The following SHROOM2 variants were observed in gnomAD, a reference collection of about 807,000 sequenced individuals.
SHROOM2 encodes the protein shroom family member 2.
A neutral mutation model predicts 75.9 loss-of-function variants in SHROOM2; 33 were observed. That is an observed-to-expected ratio of 0.43 (90% CI 0.33 to 0.58). The LOEUF (loss-of-function observed/expected upper bound fraction) is 0.58, where lower values mean the gene tolerates loss of function less well. Ranked by LOEUF, SHROOM2 falls within the 20% of genes least tolerant of loss-of-function variation. The pLI, the probability that SHROOM2 is intolerant of heterozygous loss-of-function variation, is 0.04. For missense variants in SHROOM2, 1,434 were observed against 1,461.2 expected, an observed-to-expected ratio of 0.98 and a Z score of 0.30; for synonymous variants, 655 against 663.6, an observed-to-expected ratio of 0.99 and a Z score of 0.20.
intron 1 of SHROOM2, among the ~76,000 whole-genome samples, chrX:9,859,285 G>T (rs999472438): frequency 2.1e-5 from 1 of 48,573 alleles, no homozygotes; most frequent in African/African-American, 6.2e-5. Context: ...TGAAAGCAGG[G>T]CTTTAGACAA....
At chrX:9,790,269 C>T (rs1166023965) in intron 1 of SHROOM2, among the ~76,000 whole-genome samples, 1 of 111,838 alleles carries the variant, frequency 8.9e-6, no homozygotes, top group Non-Finnish European at 1.9e-5. Context: ...ATGGGCCATG[C>T]CAAGTCACCT....
At position 9,823,232 on chromosome X, in the gene SHROOM2, C is replaced by T. The variant is rs749510377; in HGVS notation, c.165+36522C>T. Reference sequence around the variant, plus strand: ...TCCTCCTCCTCCTCCTCCTCCTCCTCCTTCTTCTCTTCTTCTTCTTCATAT... The same window carrying T: ...TCCTCCTCCTCCTCCTCCTCCTCCTTCTTCTTCTCTTCTTCTTCTTCATAT... On this transcript the variant is annotated intron_variant, in intron 1 of 9. Coordinates refer to ENST00000380913, the MANE Select transcript of SHROOM2 (RefSeq NM_001649.4). Among the ~76,000 whole-genome samples, 7 of 72,033 alleles carry T rather than the reference C, an allele frequency of 9.7e-5. 1 individual carries two copies. The highest frequency in any genetic ancestry group is 5.4e-4 in the East Asian group (1 of 1,861). The allele number at this position is 72,033 out of a possible 115,157, so 62.6% of individuals were successfully genotyped here.
intron 1 of SHROOM2, among the ~76,000 whole-genome samples, chrX:9,826,603 C>T (rs1480751513): frequency 9.1e-6 from 1 of 109,655 alleles, no homozygotes; most frequent in Middle Eastern, 4.2e-3. Context: ...GAGACCCCAT[C>T]TCTACAAAAA....
intron 1 of SHROOM2, among the ~76,000 whole-genome samples, chrX:9,820,136 T>C (rs1250449410): frequency 5.7e-5 from 6 of 105,068 alleles, no homozygotes; most frequent in African/African-American, 2.1e-4. Flanking sequence ...TTTTTCAGAT[T>C]ATGTTTTTCG....
chrX:9,933,006 A>G, intron 6 of SHROOM2, 136 bp downstream of exon 6: 2 of 493,899 alleles, frequency 4.0e-6, no homozygotes, highest in Non-Finnish European at 6.5e-6. Context: ...GTACTGGGGA[A>G]TAACTGTGTG....
chrX:9,837,730 A>G (rs5979188), intron 1 of SHROOM2, among the ~76,000 whole-genome samples: 13,201 of 111,593 alleles, frequency 0.12, 748 homozygotes, highest in African/African-American at 0.24. Flanking sequence ...ATGTCGCCTC[A>G]TACCCCTGTG....
chrX:9,802,663 G>A (rs1394602840), intron 1 of SHROOM2, among the ~76,000 whole-genome samples: 1 of 111,476 alleles, frequency 9.0e-6, no homozygotes, highest in Non-Finnish European at 1.9e-5. Flanking sequence ...TGGTATCGCG[G>A]GCATATTGCC....
At position 9,894,840 on chromosome X, in the gene SHROOM2, C is replaced by T. The variant is rs758474364; in HGVS notation, c.932C>T (p.Pro311Leu). Residue 311 changes from proline to leucine, a missense_variant, in exon 4 of 10, where the codon CCA (proline) becomes CTA (leucine). Around this residue, in one of 3 missense-constraint regions of SHROOM2, gnomAD observed 1,340 missense variants for 1,338.3 expected, o/e 1.00. Transcript: ENST00000380913. ...VWYVPDKKKA[P>L]SSPPPPPPPL... The stretch of plus-strand genomic sequence containing the variant: ...TATGTTCCCGATAAGAAGAAAGCAC[C>T]ATCATCCCCACCTCCTCCCCCTCCC... 1.7e-6 allele frequency: 2 copies of T among 1,211,851 alleles called. No individual in the cohort carries two copies. Among genetic ancestry groups the T allele is most frequent in the Middle Eastern group, 2.3e-4 (1 of 4,354 alleles).
At chrX:9,818,503 C>T (rs1241511856) in intron 1 of SHROOM2, 2 of 267,198 alleles carry the variant, frequency 7.5e-6, no homozygotes, top group Non-Finnish European at 1.4e-5. Flanking sequence ...CTACATCATA[C>T]ATCTCCTTCA....
rs756881503 is a variant in SHROOM2 at position 9,835,502 on chromosome X, G to A, written c.166-38150G>A. 1.1e-4 allele frequency among the ~76,000 whole-genome samples: 12 copies of A among 112,342 alleles called. 1 individual carries two copies. The highest frequency in any genetic ancestry group is 5.7e-4 in the Admixed American group (6 of 10,575). ...ACGTTAATTCTTATGCCATCTTACAGGGCCTGGCTACAAAAAGTAAAATGA... is the reference window on the plus strand; with the variant it reads ...ACGTTAATTCTTATGCCATCTTACAAGGCCTGGCTACAAAAAGTAAAATGA... On this transcript the variant is annotated intron_variant, in intron 1 of 9. Coordinates refer to ENST00000380913, the MANE Select transcript of SHROOM2 (RefSeq NM_001649.4).
intron 1 of SHROOM2, among the ~76,000 whole-genome samples, chrX:9,798,722 T>C (rs1232678830): frequency 2.7e-5 from 3 of 112,479 alleles, no homozygotes; most frequent in African/African-American, 9.7e-5. Context: ...AGGCATATTT[T>C]TAAAAACCCT....
At chrX:9,920,073 TC>T (rs113347761) in intron 5 of SHROOM2, among the ~76,000 whole-genome samples, 4 of 76,867 alleles carry the variant, frequency 5.2e-5, no homozygotes, top group African/African-American at 1.9e-4. Flanking sequence ...CATCTCAACT[TC>T]ACTACGGTTC....
At chrX:9,792,156 G>GAAT (rs201416945) in intron 1 of SHROOM2, among the ~76,000 whole-genome samples, 1 of 11,772 alleles carries the variant, frequency 8.5e-5, no homozygotes, top group Non-Finnish European at 2.0e-4. Flanking sequence ...GAATAGAATA[G>GAAT]AATAATCACC....
intron 1 of SHROOM2, among the ~76,000 whole-genome samples, chrX:9,792,099 TAG>T (rs2083661647): frequency 1.2e-4 from 2 of 16,246 alleles, no homozygotes; most frequent in Admixed American, 1.2e-3. Flanking sequence ...TAGAATAGAA[TAG>T]AATAGAATAG....
intron 1 of SHROOM2, among the ~76,000 whole-genome samples, chrX:9,789,435 C>T (rs1236813222): frequency 1.8e-5 from 2 of 109,955 alleles, no homozygotes; most frequent in East Asian, 2.8e-4. Context: ...GGAAAAAATG[C>T]ACTCAAACCC....
intron 9 of SHROOM2, among the ~76,000 whole-genome samples, chrX:9,945,170 C>A (rs896576867): frequency 2.7e-5 from 3 of 111,059 alleles, no homozygotes; most frequent in African/African-American, 9.9e-5. Context: ...TGCAGTGGTG[C>A]GATCTCGGCT....
chrX:9,820,711 G>A (rs148271652), intron 1 of SHROOM2, among the ~76,000 whole-genome samples: 271 of 111,499 alleles, frequency 2.4e-3, no homozygotes, highest in African/African-American at 8.4e-3. Flanking sequence ...AAAATTCCAC[G>A]TCCTCCATTC....
intron 1 of SHROOM2, among the ~76,000 whole-genome samples, chrX:9,838,738 A>G (rs2083963048): frequency 9.0e-6 from 1 of 111,727 alleles, no homozygotes. Flanking sequence ...TGGCTAGGAA[A>G]ACATTGGCAT....
chrX:9,944,927 C>T lies in SHROOM2; in HGVS notation c.4584+14C>T, dbSNP rs375719444. On this transcript the variant is annotated intron_variant, in intron 9 of 9. Transcript: ENST00000380913. Reference sequence around the variant, plus strand: ...CCCGGTGATCGGGTAAATGCAGATACGTCTGACTTGGAAATGGGGGGTGGT... The same window carrying T: ...CCCGGTGATCGGGTAAATGCAGATATGTCTGACTTGGAAATGGGGGGTGGT... 3.4e-6 allele frequency: 4 copies of T among 1,181,249 alleles called. No individual in the cohort carries two copies. Among genetic ancestry groups the T allele is most frequent in the Admixed American group, 2.3e-5 (1 of 42,613 alleles).
Sources: allele counts gnomAD v4.1 joint callset (sites outside exome capture counted in the v4.1 genomes callset), GRCh38; gene constraint gnomAD v4.1.1; regional missense constraint gnomAD v4.1.1; transcripts MANE v1.5; gene names NCBI Gene and HGNC (gene_info 2026-07-23, HGNC 2026-07-21).